The following GLYR1 variants were observed in gnomAD, a reference collection of about 807,000 sequenced individuals.
GLYR1 encodes the protein cytokine-like nuclear factor N-PAC.
A neutral mutation model predicts 72.7 loss-of-function variants in GLYR1; 21 were observed. That is an observed-to-expected ratio of 0.29 (90% CI 0.20 to 0.42). GLYR1 has a LOEUF of 0.42. GLYR1 is among the 10% of genes least tolerant of loss of function. The pLI is 1.00. For synonymous variants in GLYR1, 392 were observed against 270.2 expected (o/e 1.45, Z -4.42); for missense variants, 594 against 712.1 (o/e 0.83, Z 1.89).
intron 5 of GLYR1, among the ~76,000 whole-genome samples, chr16:4,829,828 A>G (rs1427746118): frequency 6.6e-6 from 1 of 152,040 alleles, no homozygotes; most frequent in Non-Finnish European, 1.5e-5. Context: ...GCGTGCCACC[A>G]CACTCGGGTA....
chr16:4,812,916 C>A (rs2083407668), intron 12 of GLYR1, among the ~76,000 whole-genome samples: 1 of 151,870 alleles, frequency 6.6e-6, no homozygotes, highest in Non-Finnish European at 1.5e-5. Context: ...CCTGCATCAG[C>A]CTCCTCAGTA....
Position 4,811,683 on chromosome 16 carries a change from G to C in GLYR1, c.1402C>G (p.Leu468Val). Reference protein sequence around the residue: ...AQVTGQSQQTLLDILNQGQLA... With the variant: ...AQVTGQSQQTVLDILNQGQLA... ...TGTCCCTGATTGAGGATGTCCAAGA[G>C]TGTCTGCTGGGACTGGCCTGTCACC... The change falls in exon 14 of 16, where the codon CTC becomes GTC. Residue 468 changes from leucine to valine, a missense_variant. Leu to Val is a conservative substitution (Grantham distance 32). Transcript: ENST00000321919. The C allele has an allele frequency of 6.2e-7, 1 of 1,614,276 alleles. No individual in the cohort carries two copies. The highest frequency in any genetic ancestry group is 8.5e-7 in the Non-Finnish European group (1 of 1,180,052).
intron 1 of GLYR1, among the ~76,000 whole-genome samples, chr16:4,846,459 T>C (rs1269687796): frequency 2.0e-5 from 3 of 152,248 alleles, no homozygotes; most frequent in African/African-American, 4.8e-5. Flanking sequence ...GTCACTTGTC[T>C]AGAGCTTCTT....
chr16:4,818,084 T>G (rs908603504), intron 9 of GLYR1, among the ~76,000 whole-genome samples: 3 of 151,606 alleles, frequency 2.0e-5, no homozygotes, highest in Non-Finnish European at 4.4e-5. Context: ...AACCTCTGCA[T>G]CCTGGGTTCA....
intron 10 of GLYR1, 121 bp from the exon 11 acceptor site, chr16:4,814,768 G>T: frequency 2.6e-6 from 2 of 760,976 alleles, no homozygotes; most frequent in Non-Finnish European, 4.5e-6. Context: ...CTGAGGCCGG[G>T]AGCCTGGGTC....
intron 10 of GLYR1, among the ~76,000 whole-genome samples, chr16:4,816,994 A>T (rs553486243): frequency 6.8e-6 from 1 of 147,064 alleles, no homozygotes; most frequent in East Asian, 2.0e-4. Context: ...GCCAGGCTGG[A>T]GTGCAGTGAC....
intron 7 of GLYR1, 56 bp downstream of exon 7, chr16:4,822,819 G>A (rs1411190150): frequency 2.1e-6 from 3 of 1,428,828 alleles, no homozygotes; most frequent in African/African-American, 2.8e-5. Flanking sequence ...ACCCAGTGGA[G>A]GAGCACTCCT....
At chr16:4,847,095 G>A (rs949629736) in intron 1 of GLYR1, 133 bp downstream of exon 1, 9 of 841,524 alleles carry the variant, frequency 1.1e-5, no homozygotes, top group Admixed American at 6.9e-5. Context: ...GCTCGCAAGC[G>A]CCGGCACCTT....
chr16:4,807,786 A>T (rs1182224669), intron 15 of GLYR1, among the ~76,000 whole-genome samples: 1 of 152,258 alleles, frequency 6.6e-6, no homozygotes, highest in Non-Finnish European at 1.5e-5. Context: ...ATGAGCTTTC[A>T]TCAAAAAAGA....
At chr16:4,820,392 TG>T (rs1361072014) in intron 9 of GLYR1, among the ~76,000 whole-genome samples, 1 of 152,224 alleles carries the variant, frequency 6.6e-6, no homozygotes, top group African/African-American at 2.4e-5. Flanking sequence ...CAAAACTGGT[TG>T]GTTTTGATGC....
At position 4,805,002 on chromosome 16, in the gene GLYR1, T is replaced by C; in HGVS notation, c.*234A>G. The C allele has an allele frequency of 4.4e-6, 2 of 459,614 alleles. No homozygotes were observed. Among genetic ancestry groups the C allele is most frequent in the Non-Finnish European group, 8.2e-6 (2 of 243,640 alleles). 28.5% of individuals were successfully genotyped at this position (459,614 alleles called of 1,614,324 possible). On this transcript the variant is annotated 3_prime_UTR_variant, in exon 16 of 16. Coordinates refer to ENST00000321919, the MANE Select transcript of GLYR1 (RefSeq NM_032569.4). ...ACAGCCACCTCGTCCGGGGGGCCAG[T>C]GCCCAGCTCAAGAGCTTTCCCACAC...
chr16:4,813,252 C>G (rs143239381), intron 12 of GLYR1, among the ~76,000 whole-genome samples: 1 of 152,180 alleles, frequency 6.6e-6, no homozygotes, highest in Non-Finnish European at 1.5e-5. Context: ...CGTGAGCCAC[C>G]GCGCCCGGAC....
chr16:4,824,756 A>G lies in GLYR1; in HGVS notation c.538-849T>C, dbSNP rs1257398486. Among the ~76,000 whole-genome samples the G allele has an allele frequency of 2.0e-5, 3 of 152,216 alleles. No homozygotes were observed. In the East Asian group the frequency reaches 5.8e-4, roughly 29 times the overall value. On this transcript the variant is annotated intron_variant, in intron 5 of 15. Coordinates refer to ENST00000321919, the MANE Select transcript of GLYR1 (RefSeq NM_032569.4). ...CCCGGCTCACCTTCTTCCTGGGCAA[A>G]GGGTCCTCTTTCCAGTTTTAACACT...
chr16:4,824,962 T>C (rs1596350908), intron 5 of GLYR1, among the ~76,000 whole-genome samples: 1 of 152,002 alleles, frequency 6.6e-6, no homozygotes, highest in South Asian at 2.1e-4. Flanking sequence ...TCTTGACCCC[T>C]CTCTTCTCTA....
chr16:4,818,378 T>C (rs371928336), intron 9 of GLYR1, among the ~76,000 whole-genome samples: 1 of 152,188 alleles, frequency 6.6e-6, no homozygotes, highest in East Asian at 1.9e-4. Context: ...CACTGCAGCC[T>C]CGACCTCCTG....
intron 5 of GLYR1, among the ~76,000 whole-genome samples, chr16:4,826,414 G>A (rs1461627474): frequency 1.3e-5 from 2 of 152,122 alleles, no homozygotes; most frequent in African/African-American, 4.8e-5. Context: ...CAGACTGACA[G>A]AATTTGGCTC....
In GLYR1 at chr16:4,842,744, G is replaced by C. The variant is rs528665171; in HGVS notation, c.155+2330C>G. On this transcript the variant is annotated intron_variant, in intron 3 of 15. Transcript: ENST00000321919. ...AGACAGAGTCTCGCTCTGTCACCCA[G>C]ACTGGAGTGCAGTGGCGCGATCTCA... Among the ~76,000 whole-genome samples the C allele has an allele frequency of 2.0e-4, 31 of 152,216 alleles. No individual in the cohort carries two copies. In the South Asian group the frequency reaches 6.0e-3, roughly 30 times the overall value.
At chr16:4,832,542 T>C (rs769366682) in intron 4 of GLYR1, 3 of 581,592 alleles carry the variant, frequency 5.2e-6, no homozygotes, top group Admixed American at 3.5e-5. Context: ...TGCTGAGATA[T>C]TTCTCCTGGG....
intron 9 of GLYR1, among the ~76,000 whole-genome samples, chr16:4,818,168 T>C (rs1483929490): frequency 1.3e-5 from 2 of 152,200 alleles, no homozygotes; most frequent in Non-Finnish European, 2.9e-5. Context: ...CTAATTTTTG[T>C]ATTTTTAGTA....
Sources: gnomAD v4.1 joint callset for allele counts (sites outside exome capture counted in the v4.1 genomes callset) on GRCh38, gnomAD v4.1.1 for gene constraint, MANE v1.5 for transcripts, NCBI Gene and HGNC (gene_info 2026-07-23, HGNC 2026-07-21) for gene names.